DDX11: variants seen among roughly 807,000 people sequenced by gnomAD.
DDX11 encodes DEAD/H-box helicase 11, also known as ATP-dependent DNA helicase DDX11.
DDX11 carries 72 observed loss-of-function variants against 125.2 expected under a neutral mutation model. The ratio of observed to expected loss-of-function variants is 0.58; its 90% CI spans 0.48 to 0.70. The LOEUF (loss-of-function observed/expected upper bound fraction) is 0.70, where lower values mean the gene tolerates loss of function less well. Ranked by LOEUF, DDX11 falls within the 30% of genes least tolerant of loss-of-function variation. The pLI is 0.00. For missense variants in DDX11, 883 were observed against 1,165.0 expected (o/e 0.76, Z 3.52); for synonymous variants, 347 against 452.6 (o/e 0.77, Z 2.96).
chr12:31,087,138 A>G (rs1263563847), intron 5 of DDX11, among the ~76,000 whole-genome samples: 2 of 149,852 alleles, frequency 1.3e-5, no homozygotes, highest in Non-Finnish European at 3.0e-5. Flanking sequence ...CTTCCCTGCC[A>G]ACGCCTGGCG....
chr12:31,089,233 G>C (rs1437488879), intron 7 of DDX11, 82 bp downstream of exon 7: 1 of 1,423,778 alleles, frequency 7.0e-7, no homozygotes, highest in African/African-American at 1.4e-5. Flanking sequence ...GGCCTTGGGA[G>C]ACGCTGGGTC....
rs1470740653 is a variant in DDX11 at position 31,084,001 on chromosome 12, G to A, written c.333G>A (p.Pro111=). The change falls in exon 3 of 27, where the codon CCG becomes CCA. Residue 111 remains proline, a synonymous_variant. Transcript: ENST00000542838. The stretch of plus-strand genomic sequence containing the variant: ...GCACCCCGAGGCCTGCTGGAGAACC[G>A]GCCTGGGTTACTCAGTTTGTGCAGA... The part of the protein sequence containing the change: ...AAGTPRPAGE[P]AWVTQFVQKK... 28 of 1,613,808 alleles carry A rather than the reference G, an allele frequency of 1.7e-5. No individual in the cohort carries two copies. The highest frequency in any genetic ancestry group is 5.5e-5 in the South Asian group (5 of 91,066).
chr12:31,083,679 T>C, intron 2 of DDX11, 134 bp from the exon 3 acceptor site: 5 of 1,198,154 alleles, frequency 4.2e-6, no homozygotes, highest in Non-Finnish European at 6.1e-6. Flanking sequence ...TTCCTTTCCT[T>C]TCCTAGGCTG....
intron 4 of DDX11, 45 bp from the exon 5 acceptor site, chr12:31,084,924 G>A (rs752225221): frequency 6.4e-7 from 1 of 1,569,444 alleles, no homozygotes; most frequent in Non-Finnish European, 8.7e-7. Context: ...GGGTACTGGT[G>A]CTGAGACTTC....
At chr12:31,091,265 A>G (rs1944159901) in intron 9 of DDX11, 1 of 154,094 alleles carries the variant, frequency 6.5e-6, no homozygotes, top group Non-Finnish European at 1.4e-5. Flanking sequence ...ACTTTGAAAT[A>G]GGATGTATCA....
chr12:31,093,342 C>A lies in DDX11; in HGVS notation c.1369+18C>A, dbSNP rs774698506. On this transcript the variant is annotated intron_variant, in intron 12 of 26. Transcript: ENST00000542838. ...GCTAGGGGGTGAGAGCCTCGTCCCC[C>A]TGCTGACCCCGGGCCTGCAAAACTC... 9 of 1,613,710 alleles carry A rather than the reference C, an allele frequency of 5.6e-6. No homozygotes were observed. The South Asian group carries it at 8.8e-5, about 16-fold the overall frequency.
intron 9 of DDX11, among the ~76,000 whole-genome samples, chr12:31,090,719 C>CGGG (rs1469892027): frequency 1.3e-5 from 2 of 152,150 alleles, no homozygotes; most frequent in Non-Finnish European, 2.9e-5. Context: ...ACTTTGGAAA[C>CGGG]GGGATATCAC....
chr12:31,093,312 G>C lies in DDX11; in HGVS notation c.1357G>C (p.Ala453Pro). ...CCTGTATTTGCTGGAGAAATTCGTGGCTGTGCTAGGGGGTGAGAGCCTCGT... is the reference window on the plus strand; with the variant it reads ...CCTGTATTTGCTGGAGAAATTCGTGCCTGTGCTAGGGGGTGAGAGCCTCGT... ...QILYLLEKFVAVLGGNIKQNP... is the reference protein window; with the variant it reads ...QILYLLEKFVPVLGGNIKQNP... The change falls in exon 12 of 27, where the codon GCT becomes CCT. Residue 453 changes from alanine to proline, a missense_variant. Physicochemically the swap from Ala to Pro is conservative, Grantham distance 27. Coordinates refer to ENST00000542838, the MANE Select transcript of DDX11 (RefSeq NM_030653.4). 1 of 1,613,758 alleles carries C rather than the reference G, an allele frequency of 6.2e-7. No homozygotes were observed. Among genetic ancestry groups the C allele is most frequent in the Non-Finnish European group, 8.5e-7 (1 of 1,179,794 alleles).
At chr12:31,101,777 G>A (rs1200152088) in intron 20 of DDX11, 56 bp from the exon 21 acceptor site, 6 of 1,610,940 alleles carry the variant, frequency 3.7e-6, no homozygotes, top group Non-Finnish European at 3.4e-6. Context: ...GCGGTTTGTG[G>A]GTGGCTGAGG....
intron 14 of DDX11, among the ~76,000 whole-genome samples, chr12:31,095,337 C>T (rs1945036215): frequency 6.6e-6 from 1 of 152,224 alleles, no homozygotes; most frequent in African/African-American, 2.4e-5. Flanking sequence ...TTGTAGGCGG[C>T]ATGCCATGTG....
rs776389186 is a variant in DDX11, at chr12:31,101,148, C to T, written c.2052+18C>T. ...CTCAGATGGTCAGTCCCAGCCAGCT[C>T]GCCGCACCACAGCCTGGCCTCAGGC... On this transcript the variant is annotated intron_variant, in intron 20 of 26. Coordinates refer to ENST00000542838, the MANE Select transcript of DDX11 (RefSeq NM_030653.4). 11 of 1,607,270 alleles carry T rather than the reference C, an allele frequency of 6.8e-6. No homozygotes were observed. Among genetic ancestry groups the T allele is most frequent in the Admixed American group, 6.7e-5 (4 of 60,002 alleles).
At chr12:31,086,098 C>T (rs548058949) in intron 5 of DDX11, 9 of 454,418 alleles carry the variant, frequency 2.0e-5, no homozygotes, top group Admixed American at 4.7e-5. Flanking sequence ...CTTCCTCCAG[C>T]GCACCAGGCC....
chr12:31,087,863 G>A (rs1468083154), intron 5 of DDX11, 75 bp from the exon 6 acceptor site: 32 of 1,544,826 alleles, frequency 2.1e-5, no homozygotes, highest in East Asian at 1.5e-4. Context: ...CAGCACCAGC[G>A]CTCAGCAGAT....
Position 31,096,864 on chromosome 12 carries a change from G to C in DDX11, c.1636G>C (p.Ala546Pro), listed in dbSNP as rs11545334. 6 of 1,614,094 alleles carry C rather than the reference G, an allele frequency of 3.7e-6. No homozygotes were observed. In the Admixed American group the frequency reaches 1.0e-4, roughly 27 times the overall value. The change falls in exon 17 of 27, where the codon GCA (alanine) becomes CCA (proline). Residue 546 changes from alanine (A) to proline (P), a missense_variant. By Grantham distance (27) the Ala-to-Pro change is conservative. Coordinates refer to ENST00000542838, the MANE Select transcript of DDX11 (RefSeq NM_030653.4). The part of the protein sequence containing the change: ...SLQPRTTEAL[A>P]APADESQAST... ...CCCCGTTCTGCTCTGTGCAGCTCTT[G>C]CAGCCCCTGCAGACGAGAGTCAGGC... is the stretch of plus-strand genomic sequence containing the variant.
chr12:31,103,995 G>A lies in DDX11; in HGVS notation c.*159G>A, dbSNP rs56136512. 18,749 of 1,561,428 alleles carry A rather than the reference G, an allele frequency of 0.012. 141 individuals carry two copies. The highest frequency in any genetic ancestry group is 0.016 in the Middle Eastern group (85 of 5,320). ...GTGCTGCCAGGACCCAGGCACAGGC[G>A]TTAGCTCCCGTAGGAGAAAATGGGG... On this transcript the variant is annotated 3_prime_UTR_variant, in exon 27 of 27. Transcript: ENST00000542838.
chr12:31,095,398 G>C (rs1945046201), intron 14 of DDX11, among the ~76,000 whole-genome samples: 1 of 152,192 alleles, frequency 6.6e-6, no homozygotes, highest in Non-Finnish European at 1.5e-5. Context: ...AAGCAAACAG[G>C]CCCGTGGAGG....
chr12:31,102,884 G>A (rs2141045868), intron 23 of DDX11, 52 bp from the exon 24 acceptor site: 1 of 1,560,500 alleles, frequency 6.4e-7, no homozygotes, highest in Non-Finnish European at 8.8e-7. Flanking sequence ...CGTGGGTGAT[G>A]ACCCGGGAGG....
intron 6 of DDX11, 147 bp downstream of exon 6, chr12:31,088,130 G>A: frequency 3.1e-6 from 4 of 1,309,318 alleles, no homozygotes; most frequent in African/African-American, 3.0e-5. Context: ...GTTGCTTCTT[G>A]CACACAACCC....
At chr12:31,093,345 C>G in intron 12 of DDX11, 21 bp downstream of exon 12, 3 of 1,613,790 alleles carry the variant, frequency 1.9e-6, no homozygotes, top group South Asian at 1.1e-5. Context: ...CGTCCCCCTG[C>G]TGACCCCGGG....
Sources: allele counts gnomAD v4.1 joint callset (sites outside exome capture counted in the v4.1 genomes callset), GRCh38; gene constraint gnomAD v4.1.1; transcripts MANE v1.5; gene names NCBI Gene and HGNC (gene_info 2026-07-23, HGNC 2026-07-21).